Variants in KIAA0586 observed in about 807,000 individuals in gnomAD.
KIAA0586 encodes KIAA0586.
KIAA0586 carries 144 observed loss-of-function variants against 169.8 expected under a neutral mutation model. The ratio of observed to expected loss-of-function variants is 0.85; its 90% CI spans 0.74 to 0.97. The LOEUF (loss-of-function observed/expected upper bound fraction) is 0.97. KIAA0586 is among the 50% of genes least tolerant of loss of function. The pLI is 0.00. For missense variants in KIAA0586, 1,854 were observed against 1,823.0 expected (o/e 1.02, Z -0.31); for synonymous variants, 625 against 612.4 (o/e 1.02, Z -0.30).
intron 4 of KIAA0586, among the ~76,000 whole-genome samples, chr14:58,434,295 C>A (rs1025244831): frequency 6.6e-6 from 1 of 151,966 alleles, no homozygotes. Flanking sequence ...ATTAAGAAAT[C>A]TAGATGAAAG....
intron 26 of KIAA0586, among the ~76,000 whole-genome samples, chr14:58,493,969 T>A (rs1291681333): frequency 6.6e-6 from 1 of 152,202 alleles, no homozygotes; most frequent in African/African-American, 2.4e-5. Context: ...TGCATAAATT[T>A]ATAAATTCCA....
intron 29 of KIAA0586, among the ~76,000 whole-genome samples, chr14:58,532,348 A>G (rs1461740056): frequency 6.6e-6 from 1 of 152,212 alleles, no homozygotes; most frequent in Non-Finnish European, 1.5e-5. Context: ...GCATAGGATG[A>G]AAGATTTAAT....
At chr14:58,560,171 T>C in the KIAA0586 span, among the ~76,000 whole-genome samples, 2 of 143,716 alleles carry the variant, frequency 1.4e-5, no homozygotes, top group Non-Finnish European at 3.0e-5. Context: ...AAAAAAAAGA[T>C]GCACAGGCCC....
chr14:58,508,136 C>T (rs2044134756), intron 27 of KIAA0586, among the ~76,000 whole-genome samples: 1 of 152,118 alleles, frequency 6.6e-6, no homozygotes, highest in Admixed American at 6.5e-5. Context: ...AGAACAAAAT[C>T]TACAGAATAG....
chr14:58,453,354 T>C lies in KIAA0586; in HGVS notation c.1134T>C (p.Asn378=). Residue 378 remains asparagine (N), a synonymous_variant, in exon 9 of 31, where the codon AAT becomes AAC. Coordinates refer to ENST00000652326, the MANE Select transcript of KIAA0586 (RefSeq NM_001329943.3). The stretch of plus-strand genomic sequence containing the variant: ...ACTATATCTCTTCTATTTCAGGAAA[T>C]GTAAGACTATTGGAACAAATTTTGA... ...ENMEVSCHRG[N]VRLLEQILNN... 1 of 1,293,124 alleles carries C rather than the reference T, an allele frequency of 7.7e-7. No homozygotes were observed. Among genetic ancestry groups the C allele is most frequent in the Non-Finnish European group, 1.1e-6 (1 of 940,984 alleles). 80.1% of individuals were successfully genotyped at this position (1,293,124 alleles called of 1,614,324 possible).
intron 8 of KIAA0586, among the ~76,000 whole-genome samples, chr14:58,452,474 C>T (rs1301657532): frequency 6.6e-6 from 1 of 152,068 alleles, no homozygotes; most frequent in Non-Finnish European, 1.5e-5. Flanking sequence ...AGAAGGCAAC[C>T]TCACACCAAA....
intron 28 of KIAA0586, among the ~76,000 whole-genome samples, chr14:58,509,774 G>A (rs1409864025): frequency 6.6e-6 from 1 of 152,122 alleles, no homozygotes; most frequent in Non-Finnish European, 1.5e-5. Context: ...ACCATGATTA[G>A]GCAAACATTT....
the KIAA0586 span, among the ~76,000 whole-genome samples, chr14:58,557,899 A>ATTTTTTTTTTT: frequency 1.1e-4 from 5 of 46,608 alleles, no homozygotes; most frequent in African/African-American, 3.9e-4. Context: ...ATCCTGAGAA[A>ATTTTTTTTTTT]TCTTTTTTTT....
chr14:58,445,849 T>C (rs2038850750), intron 6 of KIAA0586, among the ~76,000 whole-genome samples: 1 of 151,492 alleles, frequency 6.6e-6, no homozygotes, highest in South Asian at 2.1e-4. Flanking sequence ...GGTTTTAATT[T>C]CCTTTTTTTT....
At chr14:58,503,643 A>G (rs1404617080) in intron 27 of KIAA0586, among the ~76,000 whole-genome samples, 2 of 152,160 alleles carry the variant, frequency 1.3e-5, no homozygotes, top group African/African-American at 2.4e-5. Context: ...AGAAGCCCGT[A>G]TAGGATGGAG....
chr14:58,430,583 C>A (rs146230690), intron 2 of KIAA0586, 65 bp from the exon 3 acceptor site: 2 of 983,718 alleles, frequency 2.0e-6, no homozygotes, highest in Non-Finnish European at 3.1e-6. Flanking sequence ...AGCTAGTAAA[C>A]GGTTCTTGAT....
At position 58,459,870 on chromosome 14, in the gene KIAA0586, C is replaced by G; in HGVS notation, c.1684C>G (p.Gln562Glu). ...QDELSRTDYE[Q>E]KRFDQKNQRT... ...TGAACTGTCAAGAACAGATTATGAACAAAAAAGATTTGATCAGAAGAATCA... is the reference window on the plus strand; with the variant it reads ...TGAACTGTCAAGAACAGATTATGAAGAAAAAAGATTTGATCAGAAGAATCA... Residue 562 changes from glutamine (Q) to glutamate (E), a missense_variant, in exon 13 of 31, where the codon CAA becomes GAA. Transcript: ENST00000652326. The G allele has an allele frequency of 2.0e-6, 3 of 1,529,770 alleles. No homozygotes were observed. Among genetic ancestry groups the G allele is most frequent in the Non-Finnish European group, 2.6e-6 (3 of 1,144,262 alleles). The allele number at this position is 1,529,770 out of a possible 1,614,324, so 94.8% of individuals were successfully genotyped here. A position where few individuals can be genotyped will look rare whatever the true frequency, so the allele number is the denominator to read the frequency against.
chr14:58,517,351 G>A (rs1048930289), intron 29 of KIAA0586, among the ~76,000 whole-genome samples: 3 of 152,142 alleles, frequency 2.0e-5, no homozygotes. Flanking sequence ...AAGAAATTTG[G>A]ATGGCAAATA....
At chr14:58,456,459 C>T (rs1012516385) in intron 9 of KIAA0586, among the ~76,000 whole-genome samples, 1 of 152,190 alleles carries the variant, frequency 6.6e-6, no homozygotes, top group Non-Finnish European at 1.5e-5. Context: ...CCTTTTCCTG[C>T]TCCTTTTCTG....
intron 29 of KIAA0586, among the ~76,000 whole-genome samples, chr14:58,518,671 G>A (rs1293245469): frequency 2.6e-5 from 4 of 152,112 alleles, no homozygotes; most frequent in Non-Finnish European, 4.4e-5. Context: ...TTTCCACCCA[G>A]AGTTACCTTC....
upstream of KIAA0586, chr14:58,427,551 A>G: frequency 6.6e-7 from 1 of 1,519,480 alleles, no homozygotes; most frequent in Non-Finnish European, 8.8e-7. Flanking sequence ...AAATAAATAA[A>G]CCCCTGTTAT....
chr14:58,440,032 T>G (rs1052990130), intron 4 of KIAA0586: 2 of 227,508 alleles, frequency 8.8e-6, no homozygotes, highest in African/African-American at 4.8e-5. Flanking sequence ...CATTTCAGGG[T>G]CTTTTTTTAA....
intron 14 of KIAA0586, among the ~76,000 whole-genome samples, chr14:58,461,727 G>C (rs1411107594): frequency 6.6e-6 from 1 of 152,210 alleles, no homozygotes; most frequent in East Asian, 1.9e-4. Flanking sequence ...GGTGCATTAT[G>C]AACAGAAAGA....
At position 58,460,075 on chromosome 14, in the gene KIAA0586, G is replaced by C; in HGVS notation, c.1884+5G>C. On this transcript the variant is annotated splice_donor_5th_base_variant and intron_variant, in intron 13 of 30. Coordinates refer to ENST00000652326, the MANE Select transcript of KIAA0586 (RefSeq NM_001329943.3). The stretch of plus-strand genomic sequence containing the variant: ...TTACAGAAAGAGAGAAAGGAAGTAA[G>C]ATCCTAATCTGTTCTTTTAACATAA... 7.1e-7 allele frequency: 1 copy of C among 1,412,136 alleles called. No individual in the cohort carries two copies. Among genetic ancestry groups the C allele is most frequent in the Non-Finnish European group, 9.6e-7 (1 of 1,043,922 alleles). 87.5% of individuals were successfully genotyped at this position (1,412,136 alleles called of 1,614,324 possible). A position where few individuals can be genotyped will look rare whatever the true frequency, so the allele number is the denominator to read the frequency against.
Sources: gnomAD v4.1 joint callset for allele counts (sites outside exome capture counted in the v4.1 genomes callset) on GRCh38, gnomAD v4.1.1 for gene constraint, MANE v1.5 for transcripts, NCBI Gene and HGNC (gene_info 2026-07-23, HGNC 2026-07-21) for gene names.